SH3GL2: variants seen among roughly 807,000 people sequenced by gnomAD.
The protein encoded by SH3GL2 is endophilin-A1.
In SH3GL2, 24 loss-of-function variants were observed where a neutral mutation model predicts 46.0. The ratio of observed to expected loss-of-function variants is 0.52; its 90% confidence interval spans 0.38 to 0.73. The LOEUF is 0.73. SH3GL2 is among the 30% of genes least tolerant of loss of function. The pLI is 0.00. For missense variants in SH3GL2, 413 were observed against 424.2 expected (o/e 0.97, Z 0.23); for synonymous variants, 196 against 147.1 (o/e 1.33, Z -2.40).
chr9:17,643,082 TCTC>T (rs1372715504), intron 1 of SH3GL2, among the ~76,000 whole-genome samples: 3 of 152,168 alleles, frequency 2.0e-5, no homozygotes, highest in Non-Finnish European at 4.4e-5. Flanking sequence ...GGTTTGTAGT[TCTC>T]CTTGAAGAGG....
At chr9:17,752,925 C>T (rs550278989) in intron 2 of SH3GL2, among the ~76,000 whole-genome samples, 3 of 152,236 alleles carry the variant, frequency 2.0e-5, no homozygotes, top group Admixed American at 2.0e-4. Flanking sequence ...GTGTTCTCAT[C>T]ATTTTTGTCC....
intron 2 of SH3GL2, among the ~76,000 whole-genome samples, chr9:17,758,729 A>C (rs1442102587): frequency 6.6e-6 from 1 of 151,856 alleles, no homozygotes; most frequent in Non-Finnish European, 1.5e-5. Flanking sequence ...TTTCAAGCGA[A>C]GGTTATTTTA....
chr9:17,640,118 C>T (rs572082832), intron 1 of SH3GL2, among the ~76,000 whole-genome samples: 1 of 152,214 alleles, frequency 6.6e-6, no homozygotes, highest in South Asian at 2.1e-4. Flanking sequence ...AAATGAGTGA[C>T]TTTTCTTACA....
intron 4 of SH3GL2, 108 bp from the exon 5 acceptor site, chr9:17,787,272 T>C (rs1823987037): frequency 2.4e-6 from 2 of 850,480 alleles, no homozygotes; most frequent in Non-Finnish European, 3.8e-6. Flanking sequence ...TCTGTTGTCT[T>C]TAGAAGACAA....
intron 1 of SH3GL2, among the ~76,000 whole-genome samples, chr9:17,581,189 C>G (rs1277573579): frequency 6.6e-6 from 1 of 152,062 alleles, no homozygotes; most frequent in East Asian, 1.9e-4. Context: ...TTAGTTTTTC[C>G]AACTTAAAAA....
rs560519573 is a variant in SH3GL2 at position 17,596,900 on chromosome 9, G to T, written c.45+17613G>T. On this transcript the variant is annotated intron_variant, in intron 1 of 8. Transcript: ENST00000380607. ...ACTGGACTGCTGACGGTGGTGGATTGCTGGGCACAAGCATGCCTTTATGGA... is the reference window on the plus strand; with the variant it reads ...ACTGGACTGCTGACGGTGGTGGATTTCTGGGCACAAGCATGCCTTTATGGA... 4.6e-5 allele frequency among the ~76,000 whole-genome samples: 7 copies of T among 152,300 alleles called. No homozygotes were observed. In the South Asian group the frequency reaches 1.5e-3, roughly 32 times the overall value.
intron 1 of SH3GL2, among the ~76,000 whole-genome samples, chr9:17,741,577 T>C (rs965348511): frequency 6.6e-6 from 1 of 152,212 alleles, no homozygotes; most frequent in Non-Finnish European, 1.5e-5. Flanking sequence ...GATTAAACTC[T>C]TAAGAGATAC....
intron 1 of SH3GL2, among the ~76,000 whole-genome samples, chr9:17,618,896 A>G (rs1211646149): frequency 4.0e-5 from 6 of 151,736 alleles, no homozygotes; most frequent in Admixed American, 3.9e-4. Flanking sequence ...AAAGAGAGAA[A>G]CGTCTGAAAA....
intron 1 of SH3GL2, among the ~76,000 whole-genome samples, chr9:17,606,877 A>G (rs1818769470): frequency 6.6e-6 from 1 of 152,202 alleles, no homozygotes; most frequent in African/African-American, 2.4e-5. Flanking sequence ...TGAAGTGGCA[A>G]TTTAGAAATA....
At chr9:17,757,073 C>T (rs1588306273) in intron 2 of SH3GL2, among the ~76,000 whole-genome samples, 1 of 152,236 alleles carries the variant, frequency 6.6e-6, no homozygotes, top group African/African-American at 2.4e-5. Flanking sequence ...TCTCTGATGG[C>T]CAGTGATGAT....
At chr9:17,756,943 C>G (rs1823011774) in intron 2 of SH3GL2, among the ~76,000 whole-genome samples, 1 of 152,210 alleles carries the variant, frequency 6.6e-6, no homozygotes, top group Admixed American at 6.5e-5. Flanking sequence ...TTCCCACCAA[C>G]AGTGTAAAAG....
intron 1 of SH3GL2, among the ~76,000 whole-genome samples, chr9:17,733,622 A>G (rs1822243415): frequency 6.6e-6 from 1 of 151,274 alleles, no homozygotes; most frequent in Non-Finnish European, 1.5e-5. Flanking sequence ...ATTACTGGGT[A>G]TATACCCAAA....
At chr9:17,592,058 T>G (rs1191432498) in intron 1 of SH3GL2, among the ~76,000 whole-genome samples, 1 of 152,162 alleles carries the variant, frequency 6.6e-6, no homozygotes, top group Non-Finnish European at 1.5e-5. Context: ...TGCAATATGC[T>G]TTCTGCAAGC....
chr9:17,665,299 G>A (rs1554636674), intron 1 of SH3GL2, among the ~76,000 whole-genome samples: 1 of 152,044 alleles, frequency 6.6e-6, no homozygotes, highest in Non-Finnish European at 1.5e-5. Context: ...AACTTTTGTA[G>A]CATTTCTCTC....
intron 1 of SH3GL2, among the ~76,000 whole-genome samples, chr9:17,645,283 T>A (rs1162363531): frequency 1.3e-5 from 2 of 150,838 alleles, no homozygotes; most frequent in South Asian, 4.2e-4. Flanking sequence ...CACTGATGGG[T>A]CTCCTGAATA....
At chr9:17,694,721 A>G (rs2118156150) in intron 1 of SH3GL2, among the ~76,000 whole-genome samples, 1 of 152,298 alleles carries the variant, frequency 6.6e-6, no homozygotes, top group East Asian at 1.9e-4. Context: ...TATTCTTTCT[A>G]AATTTTCCAT....
At chr9:17,770,444 A>T (rs9407849) in intron 3 of SH3GL2, among the ~76,000 whole-genome samples, 15,522 of 152,182 alleles carry the variant, frequency 0.1, 875 homozygotes, top group Non-Finnish European at 0.11. Context: ...AGGCTTGGTA[A>T]GTGTGGCAAG....
chr9:17,612,937 A>C lies in SH3GL2; in HGVS notation c.45+33650A>C, dbSNP rs117796170. Among the ~76,000 whole-genome samples, 896 of 152,308 alleles carry C rather than the reference A, an allele frequency of 5.9e-3. 11 individuals are homozygous for C. Among genetic ancestry groups the C allele is most frequent in the South Asian group, 0.048 (231 of 4,816 alleles). On this transcript the variant is annotated intron_variant, in intron 1 of 8. Transcript: ENST00000380607. ...TTCTGGTCATTTCTTGTATGACTGA[A>C]ATAATACAATATATGGTCTTTAGTG...
At chr9:17,689,697 T>A (rs1029446952) in intron 1 of SH3GL2, among the ~76,000 whole-genome samples, 2 of 152,092 alleles carry the variant, frequency 1.3e-5, no homozygotes, top group Admixed American at 1.3e-4. Context: ...TCTGCCTGAA[T>A]CTTCATGTAT....
Sources: allele counts gnomAD v4.1 joint callset (sites outside exome capture counted in the v4.1 genomes callset), GRCh38; gene constraint gnomAD v4.1.1; transcripts MANE v1.5; gene names NCBI Gene and HGNC (gene_info 2026-07-23, HGNC 2026-07-21).